DAZAP1: variants seen among roughly 807,000 people sequenced by gnomAD.
DAZAP1 encodes the protein DAZ-associated protein 1.
Under a neutral mutation model 60.1 loss-of-function variants are expected in DAZAP1, and 6 were observed. The observed-to-expected ratio is 0.10, with a 90% CI of 0.05 to 0.20. The LOEUF (loss-of-function observed/expected upper bound fraction) is 0.20. Among genes scored for constraint, DAZAP1 ranks in the 10% least tolerant of loss-of-function variants. The pLI, the probability that DAZAP1 is intolerant of heterozygous loss-of-function variation, is 1.00. For synonymous variants in DAZAP1, 235 were observed against 215.9 expected (o/e 1.09, Z -0.78); for missense variants, 366 against 560.4 (o/e 0.65, Z 3.50).
rs1043839594 is a variant in DAZAP1, at chr19:1,432,753, T to C, written c.1048+63T>C. ...CCAGGACCCTGGGCACGGCCTGCCT[T>C]CTTCTGCTTCCTCCCCTGCTGGACG... On this transcript the variant is annotated intron_variant, in intron 11 of 11. Coordinates refer to ENST00000233078, the MANE Select transcript of DAZAP1 (RefSeq NM_018959.4). This position sits in a 1 kb window ranked among gnomAD's most constrained non-coding sequence, Gnocchi z 4.9. 28 of 1,501,436 alleles carry C rather than the reference T, an allele frequency of 1.9e-5. No individual in the cohort carries two copies. The Admixed American group carries it at 3.3e-4, about 18-fold the overall frequency. The allele number at this position is 1,501,436 out of a possible 1,614,324, so 93.0% of individuals were successfully genotyped here.
intron 1 of DAZAP1, among the ~76,000 whole-genome samples, chr19:1,408,017 C>T (rs1169824674): frequency 6.6e-6 from 1 of 151,352 alleles, no homozygotes; most frequent in African/African-American, 2.4e-5. Flanking sequence ...CGCCGCTTCC[C>T]GGCTTCCCGT....
chr19:1,411,289 G>A (rs879850298), intron 1 of DAZAP1, among the ~76,000 whole-genome samples: 2 of 152,250 alleles, frequency 1.3e-5, no homozygotes, highest in East Asian at 1.9e-4. Context: ...CGTGGGCACT[G>A]CAGGGTGCTG....
At chr19:1,408,061 C>T (rs1214863100) in intron 1 of DAZAP1, among the ~76,000 whole-genome samples, 4 of 151,314 alleles carry the variant, frequency 2.6e-5, no homozygotes, top group African/African-American at 7.3e-5. Context: ...CTGAGGGGTC[C>T]GGGGGGCCCC....
At chr19:1,413,433 A>T (rs944966755) in intron 1 of DAZAP1, among the ~76,000 whole-genome samples, 4 of 152,220 alleles carry the variant, frequency 2.6e-5, no homozygotes, top group Non-Finnish European at 2.9e-5. Context: ...TGATTAAAAC[A>T]TCCTGAGATT....
At chr19:1,431,492 C>T (rs988236468) in intron 10 of DAZAP1, among the ~76,000 whole-genome samples, 2 of 151,820 alleles carry the variant, frequency 1.3e-5, no homozygotes, top group Non-Finnish European at 2.9e-5. Context: ...TGCAGTGCCC[C>T]GATCTTGGCT....
rs1219585789 is a variant in DAZAP1 at position 1,407,925 on chromosome 19, C to T, written c.29+123C>T. On this transcript the variant is annotated intron_variant, in intron 1 of 11. Coordinates refer to ENST00000233078, the MANE Select transcript of DAZAP1 (RefSeq NM_018959.4). ...CAAGGTCACGCCGGCCGGGGGCGGA[C>T]TCGGGACCCGGACTCGCCGCGGCTT... 3 of 891,562 alleles carry T rather than the reference C, an allele frequency of 3.4e-6. No individual in the cohort carries two copies. In the East Asian group the frequency reaches 3.0e-4, roughly 88 times the overall value. 55.2% of individuals were successfully genotyped at this position (891,562 alleles called of 1,614,324 possible). A position where few individuals can be genotyped will look rare whatever the true frequency, so the allele number is the denominator to read the frequency against.
In DAZAP1 at chr19:1,428,964, G is replaced by C; in HGVS notation, c.669G>C (p.Pro223=). The change falls in exon 8 of 12, where the codon CCG becomes CCC. Residue 223 remains proline, a synonymous_variant. Coordinates refer to ENST00000233078, the MANE Select transcript of DAZAP1 (RefSeq NM_018959.4). The surrounding 1 kb of genome is among the most constrained non-coding windows in gnomAD (Gnocchi z 4.0). ...CCAATGGCTGGGCAGGCCAGCCCCC[G>C]CCCACGTGGCAGCAAGGATATGGCC... ...NAANGWAGQP[P]PTWQQGYGPQ... is the part of the protein sequence containing the mutation. 1.2e-6 allele frequency: 2 copies of C among 1,605,942 alleles called. No homozygotes were observed.
At position 1,407,704 on chromosome 19, in the gene DAZAP1, C is replaced by T. The variant is rs2082705329; in HGVS notation, c.-70C>T. 3.8e-6 allele frequency: 4 copies of T among 1,042,124 alleles called. No individual in the cohort carries two copies. Among genetic ancestry groups the T allele is most frequent in the African/African-American group, 1.8e-5 (1 of 56,814 alleles). 64.6% of individuals were successfully genotyped at this position (1,042,124 alleles called of 1,614,324 possible). On this transcript the variant is annotated 5_prime_UTR_variant, in exon 1 of 12. Coordinates refer to ENST00000233078, the MANE Select transcript of DAZAP1 (RefSeq NM_018959.4). ...CGCGGCTGTGGGGAGGGCGACGGAG[C>T]GGGTGACCTTCCGGAGGCGGGAGCG... is the stretch of plus-strand genomic sequence containing the variant.
At chr19:1,417,888 G>A (rs891655926) in intron 2 of DAZAP1, among the ~76,000 whole-genome samples, 5 of 151,538 alleles carry the variant, frequency 3.3e-5, no homozygotes, top group African/African-American at 1.2e-4. Context: ...CAAAGTCGGC[G>A]CTCCTTGGCC....
Position 1,434,853 on chromosome 19 carries a change from A to AGCG in DAZAP1, c.1168_1170dup (p.Gly390dup). 1 of 1,603,790 alleles carries AGCG rather than the reference A, an allele frequency of 6.2e-7. No individual in the cohort carries two copies. Among genetic ancestry groups the AGCG allele is most frequent in the Non-Finnish European group, 8.5e-7 (1 of 1,175,560 alleles). ...GTCGGGGGGCCCCCCCGCCGGCGGC[A>AGCG]GCGGCTTTGGACGAGGGCAGAACCA... On this transcript the variant is annotated inframe_insertion, in exon 12 of 12. Coordinates refer to ENST00000233078, the MANE Select transcript of DAZAP1 (RefSeq NM_018959.4). The surrounding 1 kb of genome is among the most constrained non-coding windows in gnomAD (Gnocchi z 8.0).
Position 1,432,845 on chromosome 19 carries a change from GATCTCGTGGC to G in DAZAP1, c.1048+157_1048+166del, listed in dbSNP as rs932473212. 2.0e-5 allele frequency: 17 copies of G among 849,106 alleles called. No individual in the cohort carries two copies. In the African/African-American group the frequency reaches 2.4e-4, roughly 12 times the overall value. The allele number at this position is 849,106 out of a possible 1,614,324, so 52.6% of individuals were successfully genotyped here. A position where few individuals can be genotyped will look rare whatever the true frequency, so the allele number is the denominator to read the frequency against. On this transcript the variant is annotated intron_variant, in intron 11 of 11. Transcript: ENST00000233078. This position sits in a 1 kb window ranked among gnomAD's most constrained non-coding sequence, Gnocchi z 4.9. ...AGGGGGGTGTGGGGGTTGTTGGAGAGATCTCGTGGCAACTCGGGTCCAGCAGAAGGGAGCG... is the reference window on the plus strand; with the variant it reads ...AGGGGGGTGTGGGGGTTGTTGGAGAGAACTCGGGTCCAGCAGAAGGGAGCG...
At chr19:1,429,468 C>T (rs2083387572) in intron 8 of DAZAP1, among the ~76,000 whole-genome samples, 1 of 152,226 alleles carries the variant, frequency 6.6e-6, no homozygotes, top group African/African-American at 2.4e-5. Context: ...GTCCTTGGAG[C>T]TTCCAGCAGC....
intron 1 of DAZAP1, among the ~76,000 whole-genome samples, chr19:1,408,775 C>T (rs1225255917): frequency 1.1e-4 from 16 of 152,272 alleles, no homozygotes. Flanking sequence ...GGCCGGGAAA[C>T]CTCATTTCGC....
In DAZAP1 at chr19:1,433,024, G is replaced by A. The variant is rs2083493796; in HGVS notation, c.1048+334G>A. The stretch of plus-strand genomic sequence containing the variant: ...GTCTAGAGGTTCAGGCCCTCGGTGT[G>A]GGTCCCGGGTGCACTGGCCCCTTGG... On this transcript the variant is annotated intron_variant, in intron 11 of 11. Coordinates refer to ENST00000233078, the MANE Select transcript of DAZAP1 (RefSeq NM_018959.4). This position sits in a 1 kb window ranked among gnomAD's most constrained non-coding sequence, Gnocchi z 6.1. The A allele has an allele frequency of 3.7e-6, 1 of 273,426 alleles. No individual in the cohort carries two copies. The allele number at this position is 273,426 out of a possible 1,614,324, so 16.9% of individuals were successfully genotyped here.
Position 1,430,263 on chromosome 19 carries a change from C to G in DAZAP1, c.772C>G (p.Pro258Ala). The G allele has an allele frequency of 7.9e-7, 1 of 1,264,380 alleles. No individual in the cohort carries two copies. 78.3% of individuals were successfully genotyped at this position (1,264,380 alleles called of 1,614,324 possible). The part of the protein sequence containing the change: ...PPPAGRGAPP[P>A]PPPFTSYIVS... The stretch of plus-strand genomic sequence containing the variant: ...CCCTGCAGGAAGAGGAGCCCCCCCG[C>G]CACCCCCACCGTTCACCTCCTACAT... The change falls in exon 10 of 12, where the codon CCA (proline) becomes GCA (alanine). Residue 258 changes from proline (P) to alanine (A), a missense_variant. By Grantham distance (27) the Pro-to-Ala change is conservative (BLOSUM62 -1). Around this residue, in one of 3 missense-constraint regions of DAZAP1, gnomAD observed 240 missense variants for 308.8 expected, o/e 0.78. Transcript: ENST00000233078.
In DAZAP1 at chr19:1,430,257, C is replaced by A; in HGVS notation, c.766C>A (p.Pro256Thr). The A allele has an allele frequency of 8.3e-7, 1 of 1,197,884 alleles. No individual in the cohort carries two copies. The highest frequency in any genetic ancestry group is 1.2e-6 in the Non-Finnish European group (1 of 833,848). The allele number at this position is 1,197,884 out of a possible 1,614,324, so 74.2% of individuals were successfully genotyped here. ...YGPPPAGRGA[P>T]PPPPPFTSYI... Reference sequence around the variant, plus strand: ...ACCGCCCCCTGCAGGAAGAGGAGCCCCCCCGCCACCCCCACCGTTCACCTC... The same window carrying A: ...ACCGCCCCCTGCAGGAAGAGGAGCCACCCCGCCACCCCCACCGTTCACCTC... The change falls in exon 10 of 12, where the codon CCC (proline) becomes ACC (threonine). Residue 256 changes from proline (P) to threonine (T), a missense_variant. By Grantham distance (38) the Pro-to-Thr change is conservative (BLOSUM62 -1). This residue lies in a region of DAZAP1 where 240 missense variants were observed against 308.8 expected (regional missense o/e 0.78). Coordinates refer to ENST00000233078, the MANE Select transcript of DAZAP1 (RefSeq NM_018959.4).
At position 1,422,900 on chromosome 19, in the gene DAZAP1, T is replaced by C. The variant is rs982218160; in HGVS notation, c.463+504T>C. 6.6e-6 allele frequency among the ~76,000 whole-genome samples: 1 copy of C among 151,758 alleles called. No homozygotes were observed. Among genetic ancestry groups the C allele is most frequent in the Non-Finnish European group, 1.5e-5 (1 of 67,986 alleles). On this transcript the variant is annotated intron_variant, in intron 6 of 11. Coordinates refer to ENST00000233078, the MANE Select transcript of DAZAP1 (RefSeq NM_018959.4). The surrounding 1 kb of genome is among the most constrained non-coding windows in gnomAD (Gnocchi z 4.5). Reference sequence around the variant, plus strand: ...CCCTCTCTGAAGTCAGCAGGGCAGGTGGGAGGAGGGGTGAGGAGTCACCTC... The same window carrying C: ...CCCTCTCTGAAGTCAGCAGGGCAGGCGGGAGGAGGGGTGAGGAGTCACCTC...
In DAZAP1 at chr19:1,434,548, T is replaced by G; in HGVS notation, c.1049-189T>G. ...CTGTGTGTGCCCCTGCTCACATGTT[T>G]TTGAGGGAGAGAACATGCCCGGGGT... is the stretch of plus-strand genomic sequence containing the variant. On this transcript the variant is annotated intron_variant, in intron 11 of 11. Transcript: ENST00000233078. The surrounding 1 kb of genome is among the most constrained non-coding windows in gnomAD (Gnocchi z 8.0). 2 of 570,968 alleles carry G rather than the reference T, an allele frequency of 3.5e-6. No homozygotes were observed. Among genetic ancestry groups the G allele is most frequent in the East Asian group, 6.6e-5 (2 of 30,096 alleles). 35.4% of individuals were successfully genotyped at this position (570,968 alleles called of 1,614,324 possible). A position where few individuals can be genotyped will look rare whatever the true frequency, so the allele number is the denominator to read the frequency against.
chr19:1,432,438 C>G lies in DAZAP1; in HGVS notation c.872-76C>G, dbSNP rs901655130. 2.1e-5 allele frequency: 32 copies of G among 1,509,620 alleles called. No homozygotes were observed. The highest frequency in any genetic ancestry group is 8.2e-6 in the Non-Finnish European group (9 of 1,091,064). The allele number at this position is 1,509,620 out of a possible 1,614,324, so 93.5% of individuals were successfully genotyped here. On this transcript the variant is annotated intron_variant, in intron 10 of 11. Coordinates refer to ENST00000233078, the MANE Select transcript of DAZAP1 (RefSeq NM_018959.4). This position sits in a 1 kb window ranked among gnomAD's most constrained non-coding sequence, Gnocchi z 4.9. ...TCCCGTCTGGGCAGCTCCTGCTGGG[C>G]TGGGTGTGGGTCTCCTGCTGGTCTG...
Sources: allele counts gnomAD v4.1 joint callset (sites outside exome capture counted in the v4.1 genomes callset), GRCh38; gene constraint gnomAD v4.1.1; regional missense constraint gnomAD v4.1.1; non-coding constraint Gnocchi (gnomAD v3.1); transcripts MANE v1.5; gene names NCBI Gene and HGNC (gene_info 2026-07-23, HGNC 2026-07-21).